The following PLEKHG4B variants were observed in gnomAD, a reference collection of about 807,000 sequenced individuals.
The protein encoded by PLEKHG4B is pleckstrin homology domain-containing family G member 4B.
Under a neutral mutation model 121.3 loss-of-function variants are expected in PLEKHG4B, and 111 were observed. The ratio of observed to expected loss-of-function variants is 0.92; its 90% CI spans 0.78 to 1.07. The LOEUF is 1.07. PLEKHG4B is among the 50% of genes least tolerant of loss of function. The pLI, the probability that PLEKHG4B is intolerant of heterozygous loss-of-function variation, is 0.00. For synonymous variants in PLEKHG4B, 738 were observed against 725.0 expected, an observed-to-expected ratio of 1.02 and a Z score of -0.29; for missense variants, 1,831 against 1,757.8, an observed-to-expected ratio of 1.04 and a Z score of -0.74.
chr5:103,169 C>T (rs141820178), intron 1 of PLEKHG4B, among the ~76,000 whole-genome samples: 61 of 152,304 alleles, frequency 4.0e-4, no homozygotes, highest in African/African-American at 1.4e-3. Flanking sequence ...ACAGACAACA[C>T]TTGCTGTGTG....
chr5:133,448 C>T (rs1195743620), intron 2 of PLEKHG4B, among the ~76,000 whole-genome samples: 1 of 151,410 alleles, frequency 6.6e-6, no homozygotes, highest in Non-Finnish European at 1.5e-5. Flanking sequence ...GAAAAAAAAA[C>T]AGTCCCATCA....
intron 2 of PLEKHG4B, among the ~76,000 whole-genome samples, chr5:114,245 T>C (rs1470666238): frequency 6.6e-6 from 1 of 152,030 alleles, no homozygotes; most frequent in Non-Finnish European, 1.5e-5. Flanking sequence ...CACAATGAAG[T>C]TTTCCACATT....
At chr5:146,839 G>T (rs1379122299) in intron 6 of PLEKHG4B, among the ~76,000 whole-genome samples, 1 of 150,026 alleles carries the variant, frequency 6.7e-6, no homozygotes, top group Non-Finnish European at 1.5e-5. Flanking sequence ...GCCTTAGAGT[G>T]AACCTGCCTC....
chr5:173,195 A>T (rs759982250), intron 17 of PLEKHG4B, 128 bp downstream of exon 17: 130 of 897,000 alleles, frequency 1.4e-4, no homozygotes, highest in Non-Finnish European at 2.1e-4. Flanking sequence ...CCGCACTGCG[A>T]TGTTTGTTTT....
rs748381818 is a variant in PLEKHG4B, at chr5:143,106, C to A, written c.1537C>A (p.Pro513Thr). Reference sequence around the variant, plus strand: ...CGGCGGCAGCCTCCATTGCCACAACCCCAGCGGGCCTTCCGATGTGCCTGC... The same window carrying A: ...CGGCGGCAGCCTCCATTGCCACAACACCAGCGGGCCTTCCGATGTGCCTGC... ...TDGGSLHCHN[P>T]SGPSDVPARQ... is the part of the protein sequence containing the mutation. Residue 513 changes from proline to threonine, a missense_variant, in exon 4 of 20, where the codon CCC becomes ACC. Coordinates refer to ENST00000637938, the MANE Select transcript of PLEKHG4B (RefSeq NM_052909.5). 5.3e-5 allele frequency: 85 copies of A among 1,612,922 alleles called. No individual in the cohort carries two copies. The highest frequency in any genetic ancestry group is 1.6e-4 in the Middle Eastern group (1 of 6,084).
Position 162,912 on chromosome 5 carries a change from A to AC in PLEKHG4B, c.2845dup (p.Gln949ProfsTer12). On this transcript the variant is annotated frameshift_variant, in exon 13 of 20. Coordinates refer to ENST00000637938, the MANE Select transcript of PLEKHG4B (RefSeq NM_052909.5). LOFTEE classifies it high-confidence loss of function. ...TCACAGCAAGACCTGTGGCTGCAGT[A>AC]CCCCCAGACCCGGCTCCGTCTGGAA... The AC allele has an allele frequency of 1.3e-6, 2 of 1,534,954 alleles. No homozygotes were observed. Among genetic ancestry groups the AC allele is most frequent in the Non-Finnish European group, 1.8e-6 (2 of 1,140,216 alleles).
At chr5:126,644 CT>C (rs1734621921) in intron 2 of PLEKHG4B, among the ~76,000 whole-genome samples, 1 of 152,288 alleles carries the variant, frequency 6.6e-6, no homozygotes, top group East Asian at 1.9e-4. Context: ...GCAAAGCAGA[CT>C]TTCCCCCTCC....
chr5:126,651 C>T (rs973097004), intron 2 of PLEKHG4B, among the ~76,000 whole-genome samples: 5 of 152,140 alleles, frequency 3.3e-5, no homozygotes, highest in Non-Finnish European at 7.3e-5. Context: ...AGACTTTCCC[C>T]CTCCCTTGGG....
chr5:168,835 T>G (rs1736438052), intron 13 of PLEKHG4B, among the ~76,000 whole-genome samples: 2 of 148,188 alleles, frequency 1.3e-5, no homozygotes, highest in Non-Finnish European at 2.9e-5. Flanking sequence ...CGCTCCTTGC[T>G]GAGGATGTGC....
chr5:96,781 A>G (rs1053014911), intron 1 of PLEKHG4B, among the ~76,000 whole-genome samples: 1 of 152,216 alleles, frequency 6.6e-6, no homozygotes, highest in Non-Finnish European at 1.5e-5. Flanking sequence ...AAAGAAAAGC[A>G]TAGGGAAGGG....
chr5:128,720 G>A (rs555862073), intron 2 of PLEKHG4B, among the ~76,000 whole-genome samples: 2 of 152,252 alleles, frequency 1.3e-5, no homozygotes, highest in South Asian at 2.1e-4. Context: ...GTGTTGTCCA[G>A]ATGGGGAGAC....
At chr5:151,397 T>C (rs1185986968) in intron 6 of PLEKHG4B, 116 bp from the exon 7 acceptor site, 1 of 602,776 alleles carries the variant, frequency 1.7e-6, no homozygotes, top group East Asian at 3.0e-5. Flanking sequence ...TTTTATGCAC[T>C]GTAGGCACTC....
intron 18 of PLEKHG4B, among the ~76,000 whole-genome samples, chr5:180,799 T>A (rs556962874): frequency 6.6e-6 from 1 of 152,268 alleles, no homozygotes; most frequent in Non-Finnish European, 1.5e-5. Context: ...GCAGCCACAC[T>A]CAGCCCTTTC....
rs561747157 is a variant in PLEKHG4B, at chr5:157,033, A to T, written c.2487+122A>T. On this transcript the variant is annotated intron_variant, in intron 11 of 19. Coordinates refer to ENST00000637938, the MANE Select transcript of PLEKHG4B (RefSeq NM_052909.5). This position sits in a 1 kb window ranked among gnomAD's most constrained non-coding sequence, Gnocchi z 4.6. ...TTGATCTGATTTCCATTTGGAATGA[A>T]ATTATGTCAGGATAGGGCATGCCTT... 1 of 1,359,212 alleles carries T rather than the reference A, an allele frequency of 7.4e-7. No individual in the cohort carries two copies. Among genetic ancestry groups the T allele is most frequent in the South Asian group, 1.3e-5 (1 of 79,542 alleles). 84.2% of individuals were successfully genotyped at this position (1,359,212 alleles called of 1,614,324 possible).
At chr5:126,322 T>A (rs914793485) in intron 2 of PLEKHG4B, among the ~76,000 whole-genome samples, 1 of 152,208 alleles carries the variant, frequency 6.6e-6, no homozygotes, top group Non-Finnish European at 1.5e-5. Flanking sequence ...TTTAGTGAAT[T>A]TTTCATTTCA....
chr5:155,246 C>T (rs1735736069), intron 8 of PLEKHG4B, 99 bp from the exon 9 acceptor site: 6 of 1,140,724 alleles, frequency 5.3e-6, no homozygotes, highest in South Asian at 2.5e-5. Context: ...CTTCCCAACC[C>T]GAGATCGGTC....
chr5:155,454 A>G lies in PLEKHG4B; in HGVS notation c.2208+11A>G. On this transcript the variant is annotated intron_variant, in intron 9 of 19. Transcript: ENST00000637938. ...CCAAGAACAGCCCAGGTGAGTCCTC[A>G]GACTTGCAGGTAAGTTCATTTCATG... 6.2e-7 allele frequency: 1 copy of G among 1,605,578 alleles called. No individual in the cohort carries two copies. The highest frequency in any genetic ancestry group is 8.5e-7 in the Non-Finnish European group (1 of 1,172,156).
chr5:143,620 A>C, intron 5 of PLEKHG4B, 117 bp downstream of exon 5: 1 of 1,296,270 alleles, frequency 7.7e-7, no homozygotes, highest in Non-Finnish European at 1.1e-6. Context: ...TGCCTCTCCT[A>C]ACCTCATCTT....
rs1733742857 is a variant in PLEKHG4B at position 189,857 on chromosome 5, A to C, written c.*7534A>C. The C allele has an allele frequency of 6.6e-6, 1 of 152,140 alleles. No individual in the cohort carries two copies. The highest frequency in any genetic ancestry group is 1.5e-5 in the Non-Finnish European group (1 of 68,046). 9.4% of individuals were successfully genotyped at this position (152,140 alleles called of 1,614,324 possible). On this transcript the variant is annotated 3_prime_UTR_variant, in exon 20 of 20. Coordinates refer to ENST00000637938, the MANE Select transcript of PLEKHG4B (RefSeq NM_052909.5). The stretch of plus-strand genomic sequence containing the variant: ...GAAGGTTCTGGAAACCACTTTTCAG[A>C]ACCCAAAAGGTGTCTGGGAAATGGC...
Sources: gnomAD v4.1 joint callset for allele counts (sites outside exome capture counted in the v4.1 genomes callset) on GRCh38, gnomAD v4.1.1 for gene constraint, Gnocchi (gnomAD v3.1) non-coding constraint, MANE v1.5 for transcripts, NCBI Gene and HGNC (gene_info 2026-07-23, HGNC 2026-07-21) for gene names.